Variants in AKT3 observed in about 807,000 individuals in gnomAD.
The protein encoded by AKT3 is RAC-gamma serine/threonine-protein kinase.
Under a neutral mutation model 65.3 loss-of-function variants are expected in AKT3, and 15 were observed. The ratio of observed to expected loss-of-function variants is 0.23; its 90% CI spans 0.15 to 0.35. The LOEUF is 0.35. Among genes scored for constraint, AKT3 ranks in the 10% least tolerant of loss-of-function variants. The pLI is 1.00. For missense variants in AKT3, 243 were observed against 576.5 expected (o/e 0.42, Z 5.92); for synonymous variants, 206 against 183.8 (o/e 1.12, Z -0.98).
chr1:243,659,515 T>C (rs1682108994), intron 4 of AKT3, among the ~76,000 whole-genome samples: 1 of 152,156 alleles, frequency 6.6e-6, no homozygotes, highest in African/African-American at 2.4e-5. Flanking sequence ...TTAAAAATTT[T>C]ATAGTTTCTC....
chr1:243,550,851 C>G (rs1673011508), intron 11 of AKT3, among the ~76,000 whole-genome samples: 1 of 132,240 alleles, frequency 7.6e-6, no homozygotes, highest in Admixed American at 8.2e-5. Flanking sequence ...CCCAGCTACT[C>G]AGGAGGCTGA....
chr1:243,725,737 T>C (rs1477513783), intron 2 of AKT3, among the ~76,000 whole-genome samples: 3 of 152,110 alleles, frequency 2.0e-5, no homozygotes, highest in Admixed American at 1.3e-4. Flanking sequence ...CAAAATACCA[T>C]TGCCAAAAAA....
At chr1:243,722,749 A>T (rs980841596) in intron 2 of AKT3, among the ~76,000 whole-genome samples, 1 of 152,186 alleles carries the variant, frequency 6.6e-6, no homozygotes, top group African/African-American at 2.4e-5. Flanking sequence ...CAGAAAAAGA[A>T]ATACCATGGC....
At chr1:243,588,675 C>A (rs1300702782) in intron 8 of AKT3, among the ~76,000 whole-genome samples, 1 of 152,126 alleles carries the variant, frequency 6.6e-6, no homozygotes, top group African/African-American at 2.4e-5. Context: ...GCTAGGAAAA[C>A]TGGATATACA....
In AKT3 at chr1:243,505,229, A is replaced by G. The variant is rs1669588882; in HGVS notation, c.*20T>C. The G allele has an allele frequency of 1.9e-6, 3 of 1,595,986 alleles. No individual in the cohort carries two copies. Among genetic ancestry groups the G allele is most frequent in the Non-Finnish European group, 2.6e-6 (3 of 1,163,518 alleles). On this transcript the variant is annotated 3_prime_UTR_variant, in exon 14 of 14. Transcript: ENST00000673466. ...AGTAATAAATTGAAGATGACAGTGA[A>G]GTAGCAGAATGAAAGAGACTTATTC... is the stretch of plus-strand genomic sequence containing the variant.
At chr1:243,508,325 G>A (rs1414172450) in intron 13 of AKT3, among the ~76,000 whole-genome samples, 2 of 152,210 alleles carry the variant, frequency 1.3e-5, no homozygotes, top group Non-Finnish European at 2.9e-5. Flanking sequence ...AAGACAGGAA[G>A]CCCAGGGCCC....
At chr1:243,705,508 T>C (rs761637166) in intron 2 of AKT3, among the ~76,000 whole-genome samples, 1 of 152,192 alleles carries the variant, frequency 6.6e-6, no homozygotes, top group African/African-American at 2.4e-5. Context: ...TTAGGAAACA[T>C]TACATTTTTA....
chr1:243,637,523 G>A (rs1680063833), intron 6 of AKT3, 88 bp downstream of exon 6: 2 of 1,134,296 alleles, frequency 1.8e-6, no homozygotes, highest in South Asian at 4.0e-5. Context: ...AATGGAATTT[G>A]CATACATTAG....
chr1:243,836,910 C>CAA (rs779727098), intron 2 of AKT3, among the ~76,000 whole-genome samples: 4 of 56,846 alleles, frequency 7.0e-5, no homozygotes, highest in South Asian at 5.3e-4. Context: ...GACTCCATCT[C>CAA]AAAAAAAAAA....
chr1:243,678,465 T>C (rs1558710748), intron 3 of AKT3, among the ~76,000 whole-genome samples: 2 of 152,192 alleles, frequency 1.3e-5, no homozygotes, highest in Non-Finnish European at 2.9e-5. Context: ...TTTAAATCAG[T>C]AGGAAAATTT....
At chr1:243,659,261 G>T (rs891194969) in intron 4 of AKT3, among the ~76,000 whole-genome samples, 5 of 152,182 alleles carry the variant, frequency 3.3e-5, no homozygotes, top group Non-Finnish European at 7.3e-5. Context: ...TCCAGGGGCT[G>T]GGGGTATGGG....
At chr1:243,693,325 G>A (rs1327104237) in intron 3 of AKT3, among the ~76,000 whole-genome samples, 1 of 123,378 alleles carries the variant, frequency 8.1e-6, no homozygotes, top group Admixed American at 9.5e-5. Flanking sequence ...GAAATACCTT[G>A]TAAAATTATC....
At chr1:243,693,294 A>ATATATATATATAT (rs1684843970) in intron 3 of AKT3, among the ~76,000 whole-genome samples, 18 of 117,180 alleles carry the variant, frequency 1.5e-4, no homozygotes, top group Admixed American at 3.6e-4. Flanking sequence ...ATATATATAT[A>ATATATATATATAT]ACATTTCCCA....
intron 8 of AKT3, among the ~76,000 whole-genome samples, chr1:243,577,865 G>A (rs1346393306): frequency 6.6e-6 from 1 of 152,056 alleles, no homozygotes; most frequent in Non-Finnish European, 1.5e-5. Flanking sequence ...CCATTCAAAA[G>A]TGGGCAAAGG....
In AKT3 at chr1:243,794,704, T is replaced by G. The variant is rs931301368; in HGVS notation, c.46+48421A>C. Among the ~76,000 whole-genome samples the G allele has an allele frequency of 2.0e-5, 3 of 152,254 alleles. No individual in the cohort carries two copies. The East Asian group carries it at 5.8e-4, about 29-fold the overall frequency. ...TACAAGAACTACATTTTAATCATTC[T>G]GATTTCTCCATTGGTGGACAGCCCA... On this transcript the variant is annotated intron_variant, in intron 2 of 13. Transcript: ENST00000673466.
At chr1:243,591,902 A>T (rs182000224) in intron 8 of AKT3, among the ~76,000 whole-genome samples, 6 of 152,358 alleles carry the variant, frequency 3.9e-5, no homozygotes, top group Admixed American at 3.3e-4. Context: ...GTGGGATAAC[A>T]TCAAGATGTC....
chr1:243,671,076 TC>T (rs925120045), intron 3 of AKT3, among the ~76,000 whole-genome samples: 3 of 150,188 alleles, frequency 2.0e-5, no homozygotes, highest in Non-Finnish European at 4.4e-5. Context: ...AATAATAGAT[TC>T]CTTTTTTTTT....
downstream of AKT3, among the ~76,000 whole-genome samples, chr1:243,498,323 T>C (rs1350495900): frequency 2.0e-5 from 3 of 152,178 alleles, no homozygotes; most frequent in African/African-American, 4.8e-5. Context: ...TAGGGCATAG[T>C]GCATGGGGTG....
In AKT3 at chr1:243,504,758, T is replaced by A. The variant is rs1669558334; in HGVS notation, c.*491A>T. ...ACGCACGGATCTGATGTGCTTTACA[T>A]ATGCACGCCACCACCCTTCCACAAT... On this transcript the variant is annotated 3_prime_UTR_variant, in exon 14 of 14. Transcript: ENST00000673466. The A allele has an allele frequency of 5.2e-6, 1 of 193,762 alleles. No individual in the cohort carries two copies. The highest frequency in any genetic ancestry group is 2.3e-5 in the African/African-American group (1 of 42,934). 12.0% of individuals were successfully genotyped at this position (193,762 alleles called of 1,614,324 possible).
Sources: gnomAD v4.1 joint callset for allele counts (sites outside exome capture counted in the v4.1 genomes callset) on GRCh38, gnomAD v4.1.1 for gene constraint, MANE v1.5 for transcripts, NCBI Gene and HGNC (gene_info 2026-07-23, HGNC 2026-07-21) for gene names.